CAMKMT: variants seen among roughly 807,000 people sequenced by gnomAD.
The protein encoded by CAMKMT is CaM KMT.
In CAMKMT, 53 loss-of-function variants were observed where a neutral mutation model predicts 48.0. The observed-to-expected ratio is 1.10, with a 90% CI of 0.89 to 1.39. The LOEUF is 1.39. Among genes scored for constraint, CAMKMT ranks in the 40% most tolerant of loss-of-function variants. The pLI, the probability that CAMKMT is intolerant of heterozygous loss-of-function variation, is 0.00. For missense variants in CAMKMT, 428 were observed against 402.7 expected (o/e 1.06, Z -0.54); for synonymous variants, 165 against 152.3 (o/e 1.08, Z -0.61).
At chr2:44,459,210 A>G (rs1208552404) in intron 3 of CAMKMT, among the ~76,000 whole-genome samples, 1 of 152,196 alleles carries the variant, frequency 6.6e-6, no homozygotes, top group East Asian at 1.9e-4. Context: ...CAGCTTTAGA[A>G]TTTCAATAGT....
chr2:44,540,006 A>C (rs1015736399), intron 3 of CAMKMT, among the ~76,000 whole-genome samples: 1 of 152,172 alleles, frequency 6.6e-6, no homozygotes, highest in Admixed American at 6.5e-5. Flanking sequence ...ATTGTTCCTC[A>C]TTAAACTTTC....
intron 3 of CAMKMT, among the ~76,000 whole-genome samples, chr2:44,534,154 A>G (rs1666637359): frequency 6.6e-6 from 1 of 152,228 alleles, no homozygotes; most frequent in Non-Finnish European, 1.5e-5. Flanking sequence ...CAAAGGAATC[A>G]CTTCAGCAAG....
At chr2:44,368,105 CT>C (rs2104343263) in intron 1 of CAMKMT, among the ~76,000 whole-genome samples, 1 of 152,196 alleles carries the variant, frequency 6.6e-6, no homozygotes, top group African/African-American at 2.4e-5. Flanking sequence ...GATACTTAAT[CT>C]TTTGACATGA....
chr2:44,425,463 G>A (rs1413038942), intron 3 of CAMKMT, among the ~76,000 whole-genome samples: 2 of 152,112 alleles, frequency 1.3e-5, no homozygotes, highest in South Asian at 2.1e-4. Context: ...AGTTAATAGA[G>A]CAATAGAAAA....
intron 3 of CAMKMT, among the ~76,000 whole-genome samples, chr2:44,696,657 G>C (rs343982): frequency 3.3e-5 from 5 of 151,850 alleles, no homozygotes; most frequent in African/African-American, 9.7e-5. Flanking sequence ...CAGACTGAAT[G>C]ATGAGCCCCA....
chr2:44,692,748 C>T (rs928852175), intron 3 of CAMKMT, among the ~76,000 whole-genome samples: 4 of 152,096 alleles, frequency 2.6e-5, no homozygotes, highest in African/African-American at 9.7e-5. Context: ...GTTGAAGACC[C>T]CCCAGACATA....
chr2:44,572,332 C>G (rs536984097), intron 3 of CAMKMT, among the ~76,000 whole-genome samples: 1 of 152,304 alleles, frequency 6.6e-6, no homozygotes, highest in African/African-American at 2.4e-5. Flanking sequence ...CAGGCGTGAG[C>G]TGCCATGCCT....
intron 3 of CAMKMT, among the ~76,000 whole-genome samples, chr2:44,496,066 C>T (rs1475158879): frequency 1.3e-5 from 2 of 152,078 alleles, no homozygotes; most frequent in African/African-American, 2.4e-5. Flanking sequence ...AGGCCATACC[C>T]AAGTTAATAA....
intron 3 of CAMKMT, among the ~76,000 whole-genome samples, chr2:44,649,577 C>T (rs1159735987): frequency 1.3e-5 from 2 of 152,102 alleles, no homozygotes; most frequent in African/African-American, 4.8e-5. Context: ...AAATCCTCTT[C>T]ATAGGATGTA....
chr2:44,715,228 A>T (rs1426249658), intron 6 of CAMKMT, 59 bp from the exon 7 acceptor site: 7 of 1,013,906 alleles, frequency 6.9e-6, no homozygotes, highest in Non-Finnish European at 1.0e-5. Flanking sequence ...CTGTTTCTGG[A>T]CCTTTTTTTT....
At chr2:44,509,460 CCACCATGCCTGG>C (rs1179403631) in intron 3 of CAMKMT, among the ~76,000 whole-genome samples, 3 of 152,064 alleles carry the variant, frequency 2.0e-5, no homozygotes, top group African/African-American at 7.2e-5. Flanking sequence ...CAAGCACATG[CCACCATGCCTGG>C]CCAATTTTTT....
intron 1 of CAMKMT, among the ~76,000 whole-genome samples, chr2:44,371,944 A>G (rs1264637524): frequency 2.0e-5 from 3 of 152,144 alleles, no homozygotes; most frequent in African/African-American, 7.2e-5. Flanking sequence ...CCCCACACTT[A>G]AAAACCTGGC....
intron 3 of CAMKMT, among the ~76,000 whole-genome samples, chr2:44,608,273 C>G (rs1260408501): frequency 1.3e-5 from 2 of 151,900 alleles, no homozygotes; most frequent in African/African-American, 4.8e-5. Flanking sequence ...GGGGTTTCAC[C>G]GTGTTAGCCA....
At chr2:44,529,804 T>C (rs866333455) in intron 3 of CAMKMT, among the ~76,000 whole-genome samples, 26 of 152,360 alleles carry the variant, frequency 1.7e-4, no homozygotes, top group African/African-American at 5.8e-4. Context: ...TCATGTGGAC[T>C]TCTGTTGTTA....
At chr2:44,523,729 T>C (rs1198456158) in intron 3 of CAMKMT, among the ~76,000 whole-genome samples, 2 of 151,610 alleles carry the variant, frequency 1.3e-5, no homozygotes, top group Admixed American at 6.6e-5. Flanking sequence ...ACTTCTTGCA[T>C]GATTGTGCTG....
intron 6 of CAMKMT, among the ~76,000 whole-genome samples, chr2:44,710,644 G>T (rs1214685861): frequency 4.0e-5 from 6 of 151,490 alleles, no homozygotes; most frequent in Non-Finnish European, 8.8e-5. Flanking sequence ...TGCCCCTTTA[G>T]TGTCAAGAAA....
intron 3 of CAMKMT, among the ~76,000 whole-genome samples, chr2:44,427,993 T>C (rs1368042124): frequency 1.3e-5 from 2 of 152,194 alleles, no homozygotes; most frequent in Non-Finnish European, 2.9e-5. Flanking sequence ...CAGCAGCCTC[T>C]AGGGGTTGCC....
intron 3 of CAMKMT, among the ~76,000 whole-genome samples, chr2:44,514,733 T>G (rs972730618): frequency 6.6e-6 from 1 of 152,216 alleles, no homozygotes; most frequent in African/African-American, 2.4e-5. Flanking sequence ...TTTGAATGAC[T>G]ACATTAATAG....
At chr2:44,404,463 C>T (rs976413520) in intron 3 of CAMKMT, among the ~76,000 whole-genome samples, 11 of 152,110 alleles carry the variant, frequency 7.2e-5, no homozygotes, top group African/African-American at 2.6e-4. Flanking sequence ...ATATCTTTTG[C>T]TAGGAGAGCA....
Sources: allele counts gnomAD v4.1 joint callset (sites outside exome capture counted in the v4.1 genomes callset), GRCh38; gene constraint gnomAD v4.1.1; transcripts MANE v1.5; gene names NCBI Gene and HGNC (gene_info 2026-07-23, HGNC 2026-07-21).